The following ASIC2 variants were observed in gnomAD, a reference collection of about 807,000 sequenced individuals.
ASIC2 encodes acid-sensing ion channel 2.
ASIC2 carries 25 observed loss-of-function variants against 57.3 expected under a neutral mutation model. The ratio of observed to expected loss-of-function variants is 0.44; its 90% CI spans 0.32 to 0.61. ASIC2 has a LOEUF of 0.61. Ranked by LOEUF, ASIC2 falls within the 20% of genes least tolerant of loss-of-function variation. The pLI, the probability that ASIC2 is intolerant of heterozygous loss-of-function variation, is 0.06. For synonymous variants in ASIC2, 319 were observed against 307.5 expected (o/e 1.04, Z -0.39); for missense variants, 641 against 738.1 (o/e 0.87, Z 1.52).
intron 1 of ASIC2, among the ~76,000 whole-genome samples, chr17:33,941,303 G>A (rs538515018): frequency 1.3e-3 from 196 of 152,334 alleles, no homozygotes; most frequent in Non-Finnish European, 2.2e-3. Flanking sequence ...GCCCTCAGAA[G>A]AAAAGCTTCA....
intron 1 of ASIC2, among the ~76,000 whole-genome samples, chr17:33,967,990 C>T (rs758121915): frequency 6.6e-5 from 10 of 152,158 alleles, no homozygotes; most frequent in Non-Finnish European, 1.2e-4. Context: ...GTCCTGGAAG[C>T]AGCTGCTATT....
intron 1 of ASIC2, among the ~76,000 whole-genome samples, chr17:33,416,157 G>A (rs1910834030): frequency 6.6e-6 from 1 of 152,182 alleles, no homozygotes; most frequent in Admixed American, 6.5e-5. Context: ...CATGTTCTGA[G>A]ATGTGACTAT....
chr17:33,803,586 CTTTTTT>C (rs961357779), intron 1 of ASIC2, among the ~76,000 whole-genome samples: 6 of 96,884 alleles, frequency 6.2e-5, no homozygotes, highest in East Asian at 2.9e-4. Context: ...TTTCCCTTTT[CTTTTTT>C]TTTTTTTTTT....
chr17:33,149,755 A>T (rs1432471161), intron 1 of ASIC2, among the ~76,000 whole-genome samples: 1 of 152,182 alleles, frequency 6.6e-6, no homozygotes, highest in Non-Finnish European at 1.5e-5. Context: ...TTAATTTTTA[A>T]TTTATTTGAT....
intron 1 of ASIC2, among the ~76,000 whole-genome samples, chr17:33,174,286 T>G (rs1905649212): frequency 6.6e-6 from 1 of 151,886 alleles, no homozygotes; most frequent in African/African-American, 2.4e-5. Context: ...CCAGGTGTGG[T>G]GGTGCGTGCC....
chr17:33,477,013 A>G (rs1197412214), intron 1 of ASIC2, among the ~76,000 whole-genome samples: 2 of 152,120 alleles, frequency 1.3e-5, no homozygotes, highest in African/African-American at 2.4e-5. Flanking sequence ...TATACTATGT[A>G]TATGTGTGTG....
At chr17:34,011,420 C>T (rs1906754762) in intron 1 of ASIC2, among the ~76,000 whole-genome samples, 1 of 152,136 alleles carries the variant, frequency 6.6e-6, no homozygotes, top group African/African-American at 2.4e-5. Context: ...ATATCCAGTT[C>T]ACAGGCAACA....
At chr17:33,394,815 G>A (rs377458624) in intron 1 of ASIC2, among the ~76,000 whole-genome samples, 4 of 152,068 alleles carry the variant, frequency 2.6e-5, no homozygotes, top group South Asian at 2.1e-4. Flanking sequence ...TGGTCATGTC[G>A]TTTTTGAATC....
At chr17:34,027,865 T>A (rs1007895380) in intron 1 of ASIC2, among the ~76,000 whole-genome samples, 1 of 152,198 alleles carries the variant, frequency 6.6e-6, no homozygotes, top group Non-Finnish European at 1.5e-5. Context: ...TAGGTTTTTA[T>A]TGATTGGATT....
rs60696198 is a variant in ASIC2, at chr17:33,485,103, AC to A, written c.556-373037del. 3.1e-3 allele frequency among the ~76,000 whole-genome samples: 470 copies of A among 152,350 alleles called. 5 individuals carry two copies. The highest frequency in any genetic ancestry group is 0.01 in the African/African-American group (436 of 41,592). Reference sequence around the variant, plus strand: ...TGGGCTAAGCCCCACTTTGGGGCCCACCTGCCCTGCAACATAGTCACATGGG... The same window carrying A: ...TGGGCTAAGCCCCACTTTGGGGCCCACTGCCCTGCAACATAGTCACATGGG... On this transcript the variant is annotated intron_variant, in intron 1 of 9. Coordinates refer to the ASIC2 transcript ENST00000359872.
At chr17:33,413,095 G>T (rs1285184414) in intron 1 of ASIC2, among the ~76,000 whole-genome samples, 2 of 152,124 alleles carry the variant, frequency 1.3e-5, no homozygotes, top group Non-Finnish European at 2.9e-5. Context: ...GGGGGCATAG[G>T]GGGTGCCATT....
chr17:33,203,025 G>A (rs992015895), intron 1 of ASIC2, among the ~76,000 whole-genome samples: 1 of 152,200 alleles, frequency 6.6e-6, no homozygotes, highest in Admixed American at 6.5e-5. Flanking sequence ...TTGATTCAGC[G>A]AGAAAGGTGG....
At chr17:33,618,748 T>G (rs1224100316) in intron 1 of ASIC2, among the ~76,000 whole-genome samples, 1 of 152,160 alleles carries the variant, frequency 6.6e-6, no homozygotes, top group Non-Finnish European at 1.5e-5. Context: ...TGCTGTCTCT[T>G]CATATTTGTC....
At chr17:33,921,610 G>T (rs934966632) in intron 1 of ASIC2, among the ~76,000 whole-genome samples, 12 of 152,090 alleles carry the variant, frequency 7.9e-5, no homozygotes, top group Non-Finnish European at 1.8e-4. Context: ...GGTGCACGTG[G>T]AGAATTCCAT....
intron 1 of ASIC2, among the ~76,000 whole-genome samples, chr17:33,586,511 T>C (rs2142002573): frequency 6.6e-6 from 1 of 152,330 alleles, no homozygotes; most frequent in East Asian, 1.9e-4. Flanking sequence ...AATCCATGGT[T>C]CTTCCCAGGC....
At chr17:33,547,041 G>T (rs1420311372) in intron 1 of ASIC2, among the ~76,000 whole-genome samples, 1 of 152,182 alleles carries the variant, frequency 6.6e-6, no homozygotes, top group Non-Finnish European at 1.5e-5. Flanking sequence ...GAACCACCTG[G>T]AAGGCTTGTT....
rs139270878 is a variant in ASIC2 at position 33,757,315 on chromosome 17, C to T, written c.555+398663G>A. Reference sequence around the variant, plus strand: ...TCCTAGTTACTAGCAGATTCTCCTGCGGGACAAAAGGCAGAAGTTTCCCAG... The same window carrying T: ...TCCTAGTTACTAGCAGATTCTCCTGTGGGACAAAAGGCAGAAGTTTCCCAG... On this transcript the variant is annotated intron_variant, in intron 1 of 9. Transcript: ENST00000359872. 2.0e-3 allele frequency among the ~76,000 whole-genome samples: 303 copies of T among 152,256 alleles called. 5 individuals carry two copies. The highest frequency in any genetic ancestry group is 6.4e-3 in the East Asian group (33 of 5,174).
At chr17:33,501,999 G>A (rs757481048) in intron 1 of ASIC2, among the ~76,000 whole-genome samples, 9 of 152,284 alleles carry the variant, frequency 5.9e-5, no homozygotes, top group Non-Finnish European at 1.3e-4. Context: ...CAATGGCTTT[G>A]CCTGTTTGCA....
At chr17:33,903,639 G>A (rs1467214781) in intron 1 of ASIC2, among the ~76,000 whole-genome samples, 1 of 152,222 alleles carries the variant, frequency 6.6e-6, no homozygotes, top group East Asian at 1.9e-4. Flanking sequence ...CTGTGCAACA[G>A]TGTTCTGTGG....
Sources: gnomAD v4.1 joint callset for allele counts (sites outside exome capture counted in the v4.1 genomes callset) on GRCh38, gnomAD v4.1.1 for gene constraint, MANE v1.5 for transcripts, NCBI Gene and HGNC (gene_info 2026-07-23, HGNC 2026-07-21) for gene names.